Variants in PUDP observed in about 807,000 individuals in gnomAD.
The protein encoded by PUDP is pseudouridine 5'-phosphatase.
Under a neutral mutation model 9.4 loss-of-function variants are expected in PUDP, and 8 were observed. That is an observed-to-expected ratio of 0.85 (90% CI 0.50 to 1.53). PUDP has a LOEUF of 1.53. Among genes scored for constraint, PUDP ranks in the 40% most tolerant of loss-of-function variants. The probability of loss-of-function intolerance (pLI) is 0.00; values close to 1 mark genes in which losing one functional copy is unlikely to be tolerated. For synonymous variants in PUDP, 99 were observed against 80.7 expected, an observed-to-expected ratio of 1.23 and a Z score of -1.22; for missense variants, 188 against 189.7, an observed-to-expected ratio of 0.99 and a Z score of 0.05.
At chrX:6,713,480 TAG>T (rs749626820) in intron 1 of PUDP, among the ~76,000 whole-genome samples, 13 of 112,169 alleles carry the variant, frequency 1.2e-4, no homozygotes, top group Middle Eastern at 4.6e-3. Context: ...GGCTTTGTGT[TAG>T]ATGATTTAGC....
At chrX:6,816,495 T>C (rs1381765389) in intron 3 of PUDP, among the ~76,000 whole-genome samples, 4 of 102,923 alleles carry the variant, frequency 3.9e-5, no homozygotes, top group Non-Finnish European at 7.8e-5. Flanking sequence ...CTATATACTA[T>C]ATTTATACAT....
At chrX:7,111,988 G>T (rs1183372529) in intron 1 of PUDP, among the ~76,000 whole-genome samples, 6 of 93,369 alleles carry the variant, frequency 6.4e-5, no homozygotes, top group Non-Finnish European at 1.3e-4. Context: ...CAAATATTTT[G>T]CTTAAAAAAA....
intron 3 of PUDP, among the ~76,000 whole-genome samples, chrX:6,935,311 A>G (rs1375131071): frequency 1.8e-5 from 1 of 55,286 alleles, no homozygotes; most frequent in African/African-American, 7.2e-5. Flanking sequence ...ATCAAACTAG[A>G]ACTCAGGATT....
In PUDP at chrX:6,821,901, G is replaced by A. The variant is rs990579226; in HGVS notation, c.*248-115435C>T. Among the ~76,000 whole-genome samples the A allele has an allele frequency of 3.6e-5, 4 of 111,960 alleles. No individual in the cohort carries two copies. In the Admixed American group the frequency reaches 3.8e-4, roughly 11 times the overall value. ...CGCTGACCAGGTAGAGAACCCATCT[G>A]CATAATAAAAGGTTAAGGTGGGGCA... On this transcript the variant is annotated intron_variant and NMD_transcript_variant, in intron 3 of 3. Coordinates refer to the PUDP transcript ENST00000655425.
At chrX:6,813,538 G>T (rs1926179041) in intron 3 of PUDP, among the ~76,000 whole-genome samples, 1 of 111,523 alleles carries the variant, frequency 9.0e-6, no homozygotes, top group Admixed American at 9.5e-5. Context: ...GGAGAAAAAT[G>T]GTCTTACTCT....
intron 3 of PUDP, among the ~76,000 whole-genome samples, chrX:7,055,942 G>A (rs1211451113): frequency 9.0e-5 from 10 of 111,306 alleles, no homozygotes; most frequent in Admixed American, 4.8e-4. Context: ...GACTGAACTT[G>A]GCTCTCATGC....
intron 3 of PUDP, among the ~76,000 whole-genome samples, chrX:6,786,675 C>T (rs1266531728): frequency 1.7e-4 from 19 of 111,526 alleles, no homozygotes; most frequent in Non-Finnish European, 1.7e-4. Context: ...ATTAAACTAT[C>T]CAATCTGCTT....
At chrX:7,041,452 T>C (rs1929920956) in intron 1 of PUDP, among the ~76,000 whole-genome samples, 2 of 112,019 alleles carry the variant, frequency 1.8e-5, no homozygotes, top group Non-Finnish European at 3.8e-5. Flanking sequence ...GCTCTCCTCT[T>C]ACTGTTCCCT....
At chrX:6,799,826 A>C (rs1466901915) in intron 3 of PUDP, among the ~76,000 whole-genome samples, 2 of 111,195 alleles carry the variant, frequency 1.8e-5, no homozygotes, top group Non-Finnish European at 3.8e-5. Flanking sequence ...ACAAGAGCGA[A>C]ACTCTGTCTC....
Position 6,895,949 on chromosome X carries a change from C to T in PUDP, c.*247+81184G>A, listed in dbSNP as rs190071171. Among the ~76,000 whole-genome samples, 4 of 110,653 alleles carry T rather than the reference C, an allele frequency of 3.6e-5. No individual in the cohort carries two copies. In the East Asian group the frequency reaches 1.1e-3, roughly 32 times the overall value. ...CTGTGGGGTCTCTTTTATAAGGGCA[C>T]TCATACCGTCCATGAGGCTCCACTT... On this transcript the variant is annotated intron_variant and NMD_transcript_variant, in intron 3 of 3. Transcript: ENST00000655425.
At chrX:6,957,959 G>T (rs1448539695) in intron 3 of PUDP, among the ~76,000 whole-genome samples, 1 of 111,933 alleles carries the variant, frequency 8.9e-6, no homozygotes, top group Non-Finnish European at 1.9e-5. Flanking sequence ...GACCAACATG[G>T]TTGTTTGAAA....
At chrX:7,116,110 T>C (rs1932187062) in intron 1 of PUDP, among the ~76,000 whole-genome samples, 2 of 112,133 alleles carry the variant, frequency 1.8e-5, no homozygotes, top group Non-Finnish European at 3.8e-5. Flanking sequence ...GCAAGAAAGT[T>C]GGACACCAGC....
upstream of PUDP, among the ~76,000 whole-genome samples, chrX:6,723,556 TG>T (rs1924701483): frequency 9.2e-6 from 1 of 108,355 alleles, no homozygotes; most frequent in South Asian, 4.0e-4. Flanking sequence ...TTTTTAGAGA[TG>T]TATGCATATT....
At chrX:6,942,216 A>T (rs1928409994) in intron 3 of PUDP, among the ~76,000 whole-genome samples, 1 of 112,599 alleles carries the variant, frequency 8.9e-6, no homozygotes, top group Admixed American at 9.4e-5. Flanking sequence ...AATGTTAAAA[A>T]TTAATATTAA....
intron 3 of PUDP, among the ~76,000 whole-genome samples, chrX:6,830,509 C>T (rs1926488293): frequency 8.9e-6 from 1 of 111,924 alleles, no homozygotes; most frequent in Admixed American, 9.5e-5. Context: ...TTATGCCCAA[C>T]CGGGAAGTCT....
intron 1 of PUDP, chrX:7,117,151 T>C (rs75463873): frequency 6.8e-6 from 7 of 1,026,023 alleles, no homozygotes; most frequent in Admixed American, 6.0e-5. Context: ...AAGTGGCGTG[T>C]TGCTACAAGG....
At chrX:6,905,724 C>T (rs190913370) in intron 3 of PUDP, among the ~76,000 whole-genome samples, 83 of 111,362 alleles carry the variant, frequency 7.5e-4, no homozygotes, top group African/African-American at 2.3e-3. Context: ...ACACATATAG[C>T]GATCAGCCCA....
At chrX:6,872,908 G>T (rs1267329790) in intron 3 of PUDP, among the ~76,000 whole-genome samples, 1 of 110,768 alleles carries the variant, frequency 9.0e-6, no homozygotes, top group African/African-American at 3.3e-5. Context: ...GAAGTTTGCA[G>T]ATCCTGTGAC....
chrX:6,980,928 C>A (rs769563736), intron 1 of PUDP, among the ~76,000 whole-genome samples: 2 of 111,099 alleles, frequency 1.8e-5, no homozygotes, highest in African/African-American at 3.3e-5. Context: ...GCCAATCCCC[C>A]ACAGATACCA....
Sources: allele counts gnomAD v4.1 joint callset (sites outside exome capture counted in the v4.1 genomes callset), GRCh38; gene constraint gnomAD v4.1.1; transcripts MANE v1.5; gene names NCBI Gene and HGNC (gene_info 2026-07-23, HGNC 2026-07-21).